Variants in ACSS3 observed in about 807,000 individuals in gnomAD.
ACSS3 encodes the protein acyl-CoA synthetase short chain family member 3, also known as acyl-CoA synthetase short-chain family member 3, mitochondrial.
A neutral mutation model predicts 84.2 loss-of-function variants in ACSS3; 64 were observed. The ratio of observed to expected loss-of-function variants is 0.76; its 90% CI spans 0.62 to 0.94. The LOEUF (loss-of-function observed/expected upper bound fraction) is 0.94. Among genes scored for constraint, ACSS3 ranks in the 40% least tolerant of loss-of-function variants. The pLI is 0.00. For missense variants in ACSS3, 815 were observed against 867.6 expected (o/e 0.94, Z 0.76); for synonymous variants, 317 against 310.1 (o/e 1.02, Z -0.23).
At chr12:81,234,144 C>G (rs960829371) in intron 13 of ACSS3, among the ~76,000 whole-genome samples, 1 of 151,346 alleles carries the variant, frequency 6.6e-6, no homozygotes, top group Admixed American at 6.6e-5. Flanking sequence ...ATAGATGATA[C>G]AGTATTGTAA....
intron 1 of ACSS3, among the ~76,000 whole-genome samples, chr12:81,097,623 A>G (rs1359428042): frequency 6.6e-6 from 1 of 152,204 alleles, no homozygotes; most frequent in South Asian, 2.1e-4. Context: ...ACCTGTGACC[A>G]TAGAGCTATG....
At chr12:81,143,924 G>A (rs559980703) in intron 5 of ACSS3, among the ~76,000 whole-genome samples, 1 of 152,268 alleles carries the variant, frequency 6.6e-6, no homozygotes, top group African/African-American at 2.4e-5. Flanking sequence ...AAATAACACT[G>A]TTTCTTCATA....
intron 7 of ACSS3, among the ~76,000 whole-genome samples, chr12:81,168,898 A>G (rs1220548334): frequency 6.6e-6 from 1 of 152,216 alleles, no homozygotes; most frequent in African/African-American, 2.4e-5. Context: ...TTGGTATTGA[A>G]AAATAGCCTT....
intron 7 of ACSS3, among the ~76,000 whole-genome samples, chr12:81,167,617 C>T (rs990338480): frequency 3.3e-5 from 5 of 152,090 alleles, no homozygotes; most frequent in African/African-American, 1.2e-4. Flanking sequence ...CAAAAGAGAA[C>T]AAACTCACTC....
At chr12:81,168,365 T>G (rs1478103232) in intron 7 of ACSS3, among the ~76,000 whole-genome samples, 1 of 152,102 alleles carries the variant, frequency 6.6e-6, no homozygotes, top group African/African-American at 2.4e-5. Context: ...CTTATTAGAA[T>G]CCCATAGAAG....
chr12:81,253,216 TG>T, intron 13 of ACSS3, 90 bp from the exon 14 acceptor site: 1 of 1,326,308 alleles, frequency 7.5e-7, no homozygotes, highest in Non-Finnish European at 1.1e-6. Context: ...TATATGTGTT[TG>T]TATATCTATA....
At chr12:81,141,718 A>G (rs1886101896) in intron 4 of ACSS3, among the ~76,000 whole-genome samples, 1 of 152,160 alleles carries the variant, frequency 6.6e-6, no homozygotes, top group Non-Finnish European at 1.5e-5. Flanking sequence ...TTGCAGTGTG[A>G]TGATTTTTAT....
rs192049441 is a variant in ACSS3, at chr12:81,235,855, C to G, written c.1719+2384C>G. Among the ~76,000 whole-genome samples the G allele has an allele frequency of 3.3e-5, 5 of 151,524 alleles. No homozygotes were observed. The East Asian group carries it at 9.7e-4, about 29-fold the overall frequency. ...ATCTTGTTTAACTTGCTTGCTAGCT[C>G]TAGCGGTATTTTTGGTAGACTTGTT... On this transcript the variant is annotated intron_variant, in intron 13 of 15. Transcript: ENST00000548058.
intron 7 of ACSS3, 150 bp from the exon 8 acceptor site, chr12:81,174,638 A>G (rs1437230002): frequency 1.2e-6 from 1 of 840,852 alleles, no homozygotes; most frequent in African/African-American, 1.7e-5. Context: ...GGTTTGCTTT[A>G]TTTGTGATAG....
intron 13 of ACSS3, among the ~76,000 whole-genome samples, chr12:81,239,791 G>A (rs1050370002): frequency 1.3e-5 from 2 of 151,908 alleles, no homozygotes; most frequent in Non-Finnish European, 2.9e-5. Flanking sequence ...GTATCAGAAA[G>A]TAAAATAAAA....
At chr12:81,236,341 A>G (rs906208922) in intron 13 of ACSS3, among the ~76,000 whole-genome samples, 2 of 151,490 alleles carry the variant, frequency 1.3e-5, no homozygotes, top group Admixed American at 6.6e-5. Flanking sequence ...GTTTTTATAC[A>G]TTGATTCGTA....
intron 2 of ACSS3, among the ~76,000 whole-genome samples, chr12:81,116,395 T>C (rs990910007): frequency 6.6e-5 from 10 of 152,136 alleles, no homozygotes; most frequent in African/African-American, 2.4e-4. Context: ...GATTATTTCA[T>C]ACTCAATCCA....
intron 2 of ACSS3, 133 bp downstream of exon 2, chr12:81,109,837 A>G (rs936786666): frequency 1.3e-6 from 1 of 748,232 alleles, no homozygotes; most frequent in Admixed American, 3.7e-5. Flanking sequence ...TTTGATACAC[A>G]TTGGAAATGA....
intron 12 of ACSS3, among the ~76,000 whole-genome samples, chr12:81,231,949 T>TA (rs1372847629): frequency 2.7e-5 from 4 of 150,542 alleles, no homozygotes; most frequent in East Asian, 2.0e-4. Flanking sequence ...AGAATTTCAC[T>TA]AAAAAAGTTT....
intron 9 of ACSS3, among the ~76,000 whole-genome samples, chr12:81,213,147 C>T (rs1224413878): frequency 6.6e-6 from 1 of 152,118 alleles, no homozygotes; most frequent in Non-Finnish European, 1.5e-5. Flanking sequence ...TAACTGCTAG[C>T]CACTTAATTA....
chr12:81,171,558 T>G (rs530225852), intron 7 of ACSS3, among the ~76,000 whole-genome samples: 1 of 152,270 alleles, frequency 6.6e-6, no homozygotes, highest in South Asian at 2.1e-4. Flanking sequence ...GAAAGAACAT[T>G]GTGGGATTTT....
chr12:81,149,809 G>A (rs1320953075), intron 5 of ACSS3, among the ~76,000 whole-genome samples: 1 of 152,070 alleles, frequency 6.6e-6, no homozygotes, highest in African/African-American at 2.4e-5. Flanking sequence ...TAGGAGCACA[G>A]GGTAAAATAA....
intron 1 of ACSS3, among the ~76,000 whole-genome samples, chr12:81,108,104 A>T (rs1005462505): frequency 1.3e-5 from 2 of 152,092 alleles, no homozygotes; most frequent in African/African-American, 4.8e-5. Context: ...TTGAACAAAC[A>T]TGAGATCAGT....
chr12:81,223,541 T>C (rs773491270), intron 11 of ACSS3, among the ~76,000 whole-genome samples: 18 of 152,034 alleles, frequency 1.2e-4, no homozygotes, highest in Admixed American at 1.3e-4. Flanking sequence ...ATTAGCCTTA[T>C]AACAGCACTA....
Sources: allele counts gnomAD v4.1 joint callset (sites outside exome capture counted in the v4.1 genomes callset), GRCh38; gene constraint gnomAD v4.1.1; transcripts MANE v1.5; gene names NCBI Gene and HGNC (gene_info 2026-07-23, HGNC 2026-07-21).